Variants in SLC44A1 observed in about 807,000 individuals in gnomAD.
The protein encoded by SLC44A1 is solute carrier family 44 member 1.
SLC44A1 carries 26 observed loss-of-function variants against 79.3 expected under a neutral mutation model. That is an observed-to-expected ratio of 0.33 (90% CI 0.24 to 0.46). The LOEUF (loss-of-function observed/expected upper bound fraction) is 0.46, where lower values mean the gene tolerates loss of function less well. Ranked by LOEUF, SLC44A1 falls within the 20% of genes least tolerant of loss-of-function variation. The pLI is 1.00. For missense variants in SLC44A1, 688 were observed against 798.1 expected, an observed-to-expected ratio of 0.86 and a Z score of 1.66; for synonymous variants, 263 against 286.2, an observed-to-expected ratio of 0.92 and a Z score of 0.82.
chr9:105,380,977 A>AT (rs1828445016), intron 13 of SLC44A1, among the ~76,000 whole-genome samples: 2 of 152,102 alleles, frequency 1.3e-5, no homozygotes, highest in African/African-American at 2.4e-5. Context: ...TAACTACTAC[A>AT]TTTTTTTGGC....
chr9:105,423,402 G>T (rs1829280339), intron 15 of SLC44A1, among the ~76,000 whole-genome samples: 1 of 152,012 alleles, frequency 6.6e-6, no homozygotes, highest in African/African-American at 2.4e-5. Flanking sequence ...GGAGATGAAG[G>T]TTGCAGTGAG....
At chr9:105,265,902 C>G (rs1829950617) in intron 1 of SLC44A1, among the ~76,000 whole-genome samples, 1 of 152,064 alleles carries the variant, frequency 6.6e-6, no homozygotes, top group Admixed American at 6.6e-5. Flanking sequence ...TATTTAACAT[C>G]TGTATATCTT....
At chr9:105,287,473 T>G (rs1293995823) in intron 1 of SLC44A1, among the ~76,000 whole-genome samples, 11 of 152,218 alleles carry the variant, frequency 7.2e-5, no homozygotes, top group African/African-American at 2.7e-4. Flanking sequence ...TTATAATATG[T>G]ACAGTATGGG....
At chr9:105,354,592 A>G (rs1827561681) in intron 5 of SLC44A1, among the ~76,000 whole-genome samples, 1 of 152,202 alleles carries the variant, frequency 6.6e-6, no homozygotes, top group Non-Finnish European at 1.5e-5. Flanking sequence ...ACAAATACAC[A>G]GGGATGCAAG....
chr9:105,310,035 A>G (rs537988463), intron 3 of SLC44A1, among the ~76,000 whole-genome samples, 169 bp downstream of exon 3: 1 of 152,136 alleles, frequency 6.6e-6, no homozygotes, highest in African/African-American at 2.4e-5. Context: ...GATTCTTCTT[A>G]TTGGTCTACA....
intron 15 of SLC44A1, among the ~76,000 whole-genome samples, chr9:105,415,582 G>GACA (rs1450597727): frequency 6.6e-6 from 1 of 152,188 alleles, no homozygotes; most frequent in Non-Finnish European, 1.5e-5. Flanking sequence ...TGTCTCTAGC[G>GACA]ACACCTGCTG....
chr9:105,354,126 C>T (rs1827543450), intron 5 of SLC44A1, among the ~76,000 whole-genome samples: 1 of 139,884 alleles, frequency 7.1e-6, no homozygotes, highest in Non-Finnish European at 1.5e-5. Flanking sequence ...TCTCGGCTCA[C>T]TGCAAGCTCC....
intron 10 of SLC44A1, 139 bp downstream of exon 10, chr9:105,364,859 G>A: frequency 1.7e-6 from 1 of 597,224 alleles, no homozygotes; most frequent in Middle Eastern, 4.5e-4. Context: ...ATGACAGAGT[G>A]TTATATATAG....
At chr9:105,296,638 G>A (rs1483611805) in intron 1 of SLC44A1, among the ~76,000 whole-genome samples, 2 of 152,094 alleles carry the variant, frequency 1.3e-5, no homozygotes, top group Non-Finnish European at 2.9e-5. Context: ...TAGAGTAAAC[G>A]TAATGAATAT....
At chr9:105,386,278 C>T (rs1828624020) in intron 15 of SLC44A1, 1 of 959,652 alleles carries the variant, frequency 1.0e-6, no homozygotes, top group Non-Finnish European at 1.2e-6. Flanking sequence ...GAAACAGATG[C>T]CTCTATCATA....
At chr9:105,400,616 A>T (rs1424029277), downstream of SLC44A1, among the ~76,000 whole-genome samples, 3 of 152,244 alleles carry the variant, frequency 2.0e-5, no homozygotes, top group African/African-American at 7.2e-5. Context: ...TGTCTTTGAC[A>T]TTAAAGACAC....
chr9:105,320,809 G>T (rs1344350063), intron 3 of SLC44A1, among the ~76,000 whole-genome samples: 1 of 152,032 alleles, frequency 6.6e-6, no homozygotes, highest in Non-Finnish European at 1.5e-5. Flanking sequence ...TCTCACTGTG[G>T]TTTTAATTTG....
intron 15 of SLC44A1, among the ~76,000 whole-genome samples, chr9:105,421,707 C>A (rs1020447528): frequency 2.0e-5 from 3 of 151,918 alleles, no homozygotes; most frequent in African/African-American, 7.3e-5. Flanking sequence ...CCTGCCTCAG[C>A]CTCCCGAGTA....
At chr9:105,417,025 T>G (rs1829181322) in intron 15 of SLC44A1, among the ~76,000 whole-genome samples, 1 of 152,148 alleles carries the variant, frequency 6.6e-6, no homozygotes, top group Admixed American at 6.5e-5. Context: ...AAGGTTTTGG[T>G]TTTGGTTTTA....
chr9:105,263,584 T>C (rs1829889391), intron 1 of SLC44A1, among the ~76,000 whole-genome samples: 1 of 151,260 alleles, frequency 6.6e-6, no homozygotes. Flanking sequence ...TTGCCCAGAC[T>C]GGAGTGCAAT....
At chr9:105,406,867 G>A (rs1262076831) in intron 15 of SLC44A1, among the ~76,000 whole-genome samples, 1 of 152,002 alleles carries the variant, frequency 6.6e-6, no homozygotes, top group African/African-American at 2.4e-5. Context: ...GAAGGACAAA[G>A]AACTAAAGAA....
chr9:105,266,475 T>A (rs986073849), intron 1 of SLC44A1, among the ~76,000 whole-genome samples: 3 of 152,236 alleles, frequency 2.0e-5, no homozygotes, highest in Non-Finnish European at 4.4e-5. Context: ...ATTTTGCCAA[T>A]CTTTATATAA....
chr9:105,321,705 T>C lies in SLC44A1; in HGVS notation c.269+11839T>C, dbSNP rs368650095. 4.3e-4 allele frequency among the ~76,000 whole-genome samples: 66 copies of C among 152,252 alleles called. No homozygotes were observed. In the South Asian group the frequency reaches 0.013, roughly 31 times the overall value. ...ATGCCTAACTAAAGTCAGTCGTTTG[T>C]CTTATCAGTGCACAGAAAATACAAT... On this transcript the variant is annotated intron_variant, in intron 3 of 15. Coordinates refer to ENST00000374720, the MANE Select transcript of SLC44A1 (RefSeq NM_080546.5).
chr9:105,247,143 A>G (rs1829475070), intron 1 of SLC44A1, among the ~76,000 whole-genome samples: 1 of 151,564 alleles, frequency 6.6e-6, no homozygotes, highest in African/African-American at 2.4e-5. Flanking sequence ...TCATTTGTGA[A>G]ATGTTACTAA....
Sources: gnomAD v4.1 joint callset for allele counts (sites outside exome capture counted in the v4.1 genomes callset) on GRCh38, gnomAD v4.1.1 for gene constraint, MANE v1.5 for transcripts, NCBI Gene and HGNC (gene_info 2026-07-23, HGNC 2026-07-21) for gene names.